HGS: variants seen among roughly 807,000 people sequenced by gnomAD.
HGS encodes the protein human growth factor-regulated tyrosine kinase substrate.
HGS carries 63 observed loss-of-function variants against 109.7 expected under a neutral mutation model. The ratio of observed to expected loss-of-function variants is 0.57; its 90% CI spans 0.47 to 0.71. The LOEUF (loss-of-function observed/expected upper bound fraction) is 0.71, where lower values mean the gene tolerates loss of function less well. HGS is among the 30% of genes least tolerant of loss of function. The pLI, the probability that HGS is intolerant of heterozygous loss-of-function variation, is 0.00. For missense variants in HGS, 995 were observed against 1,068.3 expected (o/e 0.93, Z 0.96); for synonymous variants, 546 against 437.3 (o/e 1.25, Z -3.10).
In HGS at chr17:81,700,621, T is replaced by C. The variant is rs776939947; in HGVS notation, c.2016+21T>C. ...ACCAGGTACACAGGAAGGCCGCTCC[T>C]CTCCTTCCAGGGCCAGCCCCAGCCC... On this transcript the variant is annotated intron_variant, in intron 19 of 21. Coordinates refer to ENST00000329138, the MANE Select transcript of HGS (RefSeq NM_004712.5). 6 of 1,594,440 alleles carry C rather than the reference T, an allele frequency of 3.8e-6. No homozygotes were observed. In the African/African-American group the frequency reaches 8.1e-5, roughly 21 times the overall value.
chr17:81,701,366 C>A (rs573198664), intron 21 of HGS, 142 bp from the exon 22 acceptor site: 2 of 977,718 alleles, frequency 2.0e-6, no homozygotes. Flanking sequence ...AGGCAAAGGC[C>A]GCATGAGCTG....
intron 5 of HGS, 76 bp from the exon 6 acceptor site, chr17:81,690,106 G>C (rs8074828): frequency 0.13 from 197,688 of 1,510,006 alleles, 13,921 homozygotes; most frequent in African/African-American, 0.17. Context: ...TGCAGCTGCC[G>C]AGAGTGAGGA....
intron 4 of HGS, among the ~76,000 whole-genome samples, 160 bp downstream of exon 4, chr17:81,687,255 G>A (rs11871678): frequency 0.11 from 16,631 of 152,314 alleles, 1,019 homozygotes; most frequent in Middle Eastern, 0.15. Context: ...CTCATGAGTC[G>A]GAGAGACAGG....
chr17:81,684,343 G>T, intron 1 of HGS: 1 of 360,894 alleles, frequency 2.8e-6, no homozygotes, highest in Non-Finnish European at 4.9e-6. Context: ...GGGCGCCAGG[G>T]GCGCTCGGCG....
At chr17:81,686,809 G>A (rs1037805754) in intron 3 of HGS, among the ~76,000 whole-genome samples, 194 bp from the exon 4 acceptor site, 4 of 151,830 alleles carry the variant, frequency 2.6e-5, no homozygotes, top group African/African-American at 7.3e-5. Flanking sequence ...GAAGGGCTCT[G>A]CTGTCCCACC....
At chr17:81,694,020 G>T in intron 11 of HGS, 55 bp downstream of exon 11, 1 of 1,465,170 alleles carries the variant, frequency 6.8e-7, no homozygotes, top group Non-Finnish European at 9.3e-7. Context: ...GGGTTGATGG[G>T]GGACGCGGGT....
intron 8 of HGS, chr17:81,692,173 T>G (rs1404786629): frequency 6.5e-6 from 1 of 153,260 alleles, no homozygotes; most frequent in Non-Finnish European, 1.5e-5. Context: ...TTCTGCTCTG[T>G]GGTCCACGTT....
At chr17:81,697,142 T>C (rs2037164849) in intron 18 of HGS, 144 bp downstream of exon 18, 2 of 912,004 alleles carry the variant, frequency 2.2e-6, no homozygotes, top group East Asian at 5.4e-5. Context: ...CCTGTTTCCA[T>C]GCAAACGCAC....
chr17:81,686,121 G>A (rs2036975837), intron 2 of HGS, 191 bp from the exon 3 acceptor site: 2 of 579,310 alleles, frequency 3.5e-6, no homozygotes, highest in Admixed American at 6.1e-5. Context: ...GGTAGAGATG[G>A]GTTTTTGCCG....
intron 1 of HGS, chr17:81,684,807 A>T: frequency 1.4e-6 from 1 of 709,698 alleles, no homozygotes; most frequent in Non-Finnish European, 1.7e-6. Flanking sequence ...CCTTTTTGTC[A>T]AGTAGGGTTT....
chr17:81,691,514 A>G lies in HGS; in HGVS notation c.605A>G (p.Lys202Arg), dbSNP rs950848061. The part of the protein sequence containing the change: ...KCSSKYSTIP[K>R]FGIEKEVRVC... ...TCTTCCAAGTACTCCACCATCCCCA[A>G]GTTTGGCATCGAGAAGGAGGTGCGC... The change falls in exon 8 of 22, where the codon AAG becomes AGG. Residue 202 changes from lysine to arginine, a missense_variant. This residue lies in a region of HGS where 182 missense variants were observed against 261.3 expected (regional missense o/e 0.70). Coordinates refer to ENST00000329138, the MANE Select transcript of HGS (RefSeq NM_004712.5). The surrounding 1 kb of genome is among the most constrained non-coding windows in gnomAD (Gnocchi z 5.3). The G allele has an allele frequency of 3.1e-6, 5 of 1,614,098 alleles. No homozygotes were observed. Among genetic ancestry groups the G allele is most frequent in the East Asian group, 2.2e-5 (1 of 44,858 alleles).
At position 81,684,236 on chromosome 17, in the gene HGS, TC is replaced by T. The variant is rs953253678; in HGVS notation, c.37+136del. 1.2e-5 allele frequency: 10 copies of T among 863,058 alleles called. No homozygotes were observed. In the African/African-American group the frequency reaches 1.4e-4, roughly 12 times the overall value. The allele number at this position is 863,058 out of a possible 1,614,324, so 53.5% of individuals were successfully genotyped here. On this transcript the variant is annotated intron_variant, in intron 1 of 21. Transcript: ENST00000329138. The stretch of plus-strand genomic sequence containing the variant: ...CCCGCCTCTCCCCGGCCCGCTGTCC[TC>T]CCGGGTTCGGAGCCGCCGATCCTGG...
At chr17:81,693,402 T>C in intron 8 of HGS, 101 bp from the exon 9 acceptor site, 2 of 837,060 alleles carry the variant, frequency 2.4e-6, no homozygotes, top group East Asian at 4.9e-5. Context: ...CCTCACTCTG[T>C]GGGGACACTT....
At chr17:81,688,163 G>A (rs1274077268) in intron 4 of HGS, among the ~76,000 whole-genome samples, 3 of 151,650 alleles carry the variant, frequency 2.0e-5, no homozygotes. Context: ...ACACCGGGAC[G>A]GCGTCCCCGA....
chr17:81,686,385 G>A lies in HGS; in HGVS notation c.196G>A (p.Glu66Lys). Residue 66 changes from glutamate (E) to lysine (K), a missense_variant and splice_region_variant, in exon 3 of 22, where the codon GAG (glutamate) becomes AAG (lysine). By Grantham distance (56) the Glu-to-Lys change is moderately conservative. This residue lies in a region of HGS where 182 missense variants were observed against 261.3 expected (regional missense o/e 0.70). Transcript: ENST00000329138. ...KNPHVALYAL[E>K]VMESVVKNCG... ...CCCACACGTCGCCTTGTATGCCCTG[G>A]AGGTAAGCAGACCCCCGTGCCTCAG... 1 of 1,613,214 alleles carries A rather than the reference G, an allele frequency of 6.2e-7. No homozygotes were observed. The highest frequency in any genetic ancestry group is 8.5e-7 in the Non-Finnish European group (1 of 1,179,632).
chr17:81,689,825 T>C (rs916272748), intron 5 of HGS, among the ~76,000 whole-genome samples: 1 of 152,194 alleles, frequency 6.6e-6, no homozygotes, highest in Non-Finnish European at 1.5e-5. Context: ...GGGTCGTGTG[T>C]CAAGAATAGC....
At position 81,701,077 on chromosome 17, in the gene HGS, GTC is replaced by G; in HGVS notation, c.2173_2174del (p.Leu725AlafsTer115). Reference protein sequence around the residue: ...LMTTLPSQDASLPPQQPYIAG... With the variant: ...LMTTLPSQDAXLPPQQPYIAG... Reference sequence around the variant, plus strand: ...TGACCACCCTCCCAAGCCAGGATGCGTCTCTGCCACCCCAGCAGCCCTACATC... The same window carrying G: ...TGACCACCCTCCCAAGCCAGGATGCGTCTGCCACCCCAGCAGCCCTACATC... On this transcript the variant is annotated frameshift_variant, in exon 21 of 22. Transcript: ENST00000329138. LOFTEE classifies it high-confidence loss of function. The G allele has an allele frequency of 6.2e-7, 1 of 1,614,056 alleles. No homozygotes were observed. Among genetic ancestry groups the G allele is most frequent in the South Asian group, 1.1e-5 (1 of 91,090 alleles).
At chr17:81,695,269 T>C in intron 14 of HGS, 46 bp downstream of exon 14, 1 of 1,588,740 alleles carries the variant, frequency 6.3e-7, no homozygotes, top group Non-Finnish European at 8.6e-7. Context: ...CATGGCCTCC[T>C]GGCCCACAGC....
chr17:81,684,836 A>T (rs2036947731), intron 1 of HGS: 5 of 919,606 alleles, frequency 5.4e-6, no homozygotes, highest in Non-Finnish European at 6.5e-6. Flanking sequence ...ACTTCAAGTG[A>T]GACACCTTCC....
Sources: allele counts gnomAD v4.1 joint callset (sites outside exome capture counted in the v4.1 genomes callset), GRCh38; gene constraint gnomAD v4.1.1; regional missense constraint gnomAD v4.1.1; non-coding constraint Gnocchi (gnomAD v3.1); transcripts MANE v1.5; gene names NCBI Gene and HGNC (gene_info 2026-07-23, HGNC 2026-07-21).